SLC24A2: variants seen among roughly 807,000 people sequenced by gnomAD.
SLC24A2 encodes the protein solute carrier family 24 member 2.
A neutral mutation model predicts 62.0 loss-of-function variants in SLC24A2; 36 were observed. The ratio of observed to expected loss-of-function variants is 0.58; its 90% CI spans 0.44 to 0.77. The LOEUF (loss-of-function observed/expected upper bound fraction) is 0.77. SLC24A2 is among the 30% of genes least tolerant of loss of function. SLC24A2 has a pLI of 0.00. For missense variants in SLC24A2, 846 were observed against 817.9 expected (o/e 1.03, Z -0.42); for synonymous variants, 358 against 294.0 (o/e 1.22, Z -2.23).
At chr9:19,640,566 A>G (rs1202292646) in intron 2 of SLC24A2, among the ~76,000 whole-genome samples, 1 of 150,182 alleles carries the variant, frequency 6.7e-6, no homozygotes, top group East Asian at 1.9e-4. Context: ...AATTTAAGGC[A>G]GTACCAAAAA....
the SLC24A2 span, among the ~76,000 whole-genome samples, chr9:20,041,128 A>G: frequency 1.3e-5 from 2 of 152,178 alleles, no homozygotes; most frequent in Non-Finnish European, 2.9e-5. Flanking sequence ...AGGAGAGAGA[A>G]AGAGAGAGAG....
intron 4 of SLC24A2, among the ~76,000 whole-genome samples, chr9:19,603,665 TG>T: frequency 6.6e-6 from 1 of 152,312 alleles, no homozygotes; most frequent in South Asian, 2.1e-4. Flanking sequence ...ACTACTGCAA[TG>T]GTCTTATTTG....
At position 19,513,166 on chromosome 9, in the gene SLC24A2, ATATATATATG is replaced by A. The variant is rs1389237525; in HGVS notation, c.*2977_*2986del. 1.1e-3 allele frequency: 67 copies of A among 61,322 alleles called. No individual in the cohort carries two copies. The highest frequency in any genetic ancestry group is 2.5e-3 in the East Asian group (4 of 1,618). The allele number at this position is 61,322 out of a possible 1,614,324, so 3.8% of individuals were successfully genotyped here. ...ATCTGGTATAAAGATATATATATAT[ATATATATATG>A]TATATATATATATATGTATATATTT... On this transcript the variant is annotated 3_prime_UTR_variant, in exon 11 of 11. Coordinates refer to ENST00000341998, the MANE Select transcript of SLC24A2 (RefSeq NM_020344.4).
intron 8 of SLC24A2, among the ~76,000 whole-genome samples, chr9:19,530,708 T>C (rs1323808722): frequency 2.0e-5 from 3 of 152,202 alleles, no homozygotes; most frequent in African/African-American, 7.2e-5. Context: ...CCATGATTCT[T>C]AATCAAGAAG....
chr9:20,080,685 C>G, the SLC24A2 span, among the ~76,000 whole-genome samples: 1 of 152,192 alleles, frequency 6.6e-6, no homozygotes, highest in African/African-American at 2.4e-5. Flanking sequence ...TCAGAGTGAA[C>G]AGGCAATCTA....
chr9:19,516,206 C>T lies in SLC24A2; in HGVS notation c.1933G>A (p.Val645Met). The T allele has an allele frequency of 6.2e-7, 1 of 1,614,130 alleles. No homozygotes were observed. Among genetic ancestry groups the T allele is most frequent in the Non-Finnish European group, 8.5e-7 (1 of 1,180,032 alleles). The change falls in exon 11 of 11, where the codon GTG (valine) becomes ATG (methionine). Residue 645 changes from valine (V) to methionine (M), a missense_variant. Physicochemically the swap from Val to Met is conservative, Grantham distance 21. Coordinates refer to ENST00000341998, the MANE Select transcript of SLC24A2 (RefSeq NM_020344.4). ...CTGTCTTCTAGGAGAACGCTCACCA[C>T]CAGGAACACAAAGTAGAGGCCAAAC... ...IMFGLYFVFL[V>M]VSVLLEDRIL...
chr9:20,048,698 C>T, the SLC24A2 span, among the ~76,000 whole-genome samples: 9 of 151,554 alleles, frequency 5.9e-5, no homozygotes, highest in Non-Finnish European at 7.4e-5. Context: ...ATTCAGCAGT[C>T]CTAAGAGGGA....
chr9:19,840,935 T>C, the SLC24A2 span, among the ~76,000 whole-genome samples: 4 of 152,210 alleles, frequency 2.6e-5, no homozygotes, highest in Non-Finnish European at 4.4e-5. Context: ...AGTTAATTCC[T>C]TTTTATTGAT....
At chr9:20,253,802 G>A in the SLC24A2 span, among the ~76,000 whole-genome samples, 1 of 152,122 alleles carries the variant, frequency 6.6e-6, no homozygotes, top group African/African-American at 2.4e-5. Flanking sequence ...TCAGTTCACG[G>A]GGGGTCAGAG....
intron 2 of SLC24A2, among the ~76,000 whole-genome samples, chr9:19,629,335 A>C (rs1818118547): frequency 6.6e-6 from 1 of 152,196 alleles, no homozygotes; most frequent in Admixed American, 6.6e-5. Context: ...AAGAACTGTT[A>C]TGAGCTCTGA....
chr9:20,307,071 T>G, the SLC24A2 span, among the ~76,000 whole-genome samples: 1 of 152,254 alleles, frequency 6.6e-6, no homozygotes, highest in African/African-American at 2.4e-5. Context: ...CTACTATGTT[T>G]TAAATCATCT....
the SLC24A2 span, among the ~76,000 whole-genome samples, chr9:19,807,604 A>C: frequency 6.6e-6 from 1 of 152,262 alleles, no homozygotes; most frequent in South Asian, 2.1e-4. Flanking sequence ...TATTTGAATA[A>C]AAATGGATAT....
intron 8 of SLC24A2, among the ~76,000 whole-genome samples, chr9:19,545,645 TC>T (rs1303218907): frequency 1.3e-5 from 2 of 151,654 alleles, no homozygotes; most frequent in Non-Finnish European, 2.9e-5. Flanking sequence ...AGTTTTTTTT[TC>T]TTTTTTTTTT....
At chr9:19,593,522 C>T (rs1001419306) in intron 5 of SLC24A2, among the ~76,000 whole-genome samples, 9 of 152,006 alleles carry the variant, frequency 5.9e-5, no homozygotes, top group African/African-American at 1.2e-4. Flanking sequence ...TTTTGTCTTG[C>T]GTGTGAGAGT....
intron 2 of SLC24A2, among the ~76,000 whole-genome samples, chr9:19,699,554 A>C (rs1820295680): frequency 6.6e-6 from 1 of 152,216 alleles, no homozygotes; most frequent in South Asian, 2.1e-4. Context: ...ACCTGGGAAA[A>C]TATTCATCAT....
At chr9:20,219,187 A>G in the SLC24A2 span, among the ~76,000 whole-genome samples, 687 of 152,272 alleles carry the variant, frequency 4.5e-3, 7 homozygotes, top group African/African-American at 0.015. Flanking sequence ...CTGTTAACAC[A>G]TGTGGCAGAG....
the SLC24A2 span, among the ~76,000 whole-genome samples, chr9:19,902,242 C>G: frequency 2.6e-5 from 4 of 152,178 alleles, no homozygotes; most frequent in East Asian, 7.7e-4. Flanking sequence ...TAAGGCTTCT[C>G]TGGGTTCCCT....
At chr9:20,216,602 T>C in the SLC24A2 span, among the ~76,000 whole-genome samples, 1 of 152,234 alleles carries the variant, frequency 6.6e-6, no homozygotes, top group Admixed American at 6.5e-5. Context: ...GTTCTGACCC[T>C]CTTTTATTAT....
chr9:19,574,120 G>A (rs1053706232), intron 6 of SLC24A2, among the ~76,000 whole-genome samples: 2 of 152,144 alleles, frequency 1.3e-5, no homozygotes, highest in African/African-American at 2.4e-5. Context: ...GGGACATTAT[G>A]TTCAGCTGTA....
Sources: allele counts gnomAD v4.1 joint callset (sites outside exome capture counted in the v4.1 genomes callset), GRCh38; gene constraint gnomAD v4.1.1; transcripts MANE v1.5; gene names NCBI Gene and HGNC (gene_info 2026-07-23, HGNC 2026-07-21).